The following CNGB1 variants were observed in gnomAD, a reference collection of about 807,000 sequenced individuals.
The protein encoded by CNGB1 is cyclic nucleotide-gated channel beta-1.
CNGB1 carries 126 observed loss-of-function variants against 151.7 expected under a neutral mutation model. The observed-to-expected ratio is 0.83, with a 90% CI of 0.72 to 0.96. The LOEUF is 0.96. CNGB1 is among the 40% of genes least tolerant of loss of function. The probability of loss-of-function intolerance (pLI) is 0.00; values close to 1 mark genes in which losing one functional copy is unlikely to be tolerated. For missense variants in CNGB1, 1,698 were observed against 1,627.0 expected (o/e 1.04, Z -0.75); for synonymous variants, 623 against 635.1 (o/e 0.98, Z 0.29).
chr16:57,955,065 G>T, intron 12 of CNGB1: 2 of 1,329,890 alleles, frequency 1.5e-6, no homozygotes, highest in Non-Finnish European at 9.7e-7. Flanking sequence ...CTTTTCCACA[G>T]CCCTCTGGGG....
chr16:57,957,763 T>G (rs1223229921), intron 11 of CNGB1, among the ~76,000 whole-genome samples: 1 of 152,204 alleles, frequency 6.6e-6, no homozygotes, highest in Non-Finnish European at 1.5e-5. Context: ...GCCCTGGGTA[T>G]GAGAATGCAG....
chr16:57,906,325 C>T (rs1487499565), intron 25 of CNGB1, among the ~76,000 whole-genome samples: 2 of 152,240 alleles, frequency 1.3e-5, no homozygotes, highest in Non-Finnish European at 2.9e-5. Context: ...ACGTGGTGGA[C>T]TCTCAGCAAG....
chr16:57,931,660 C>A, intron 17 of CNGB1, 56 bp downstream of exon 17: 1 of 1,596,444 alleles, frequency 6.3e-7, no homozygotes, highest in African/African-American at 1.3e-5. Context: ...CTTCATCTGC[C>A]AAATAAACAG....
intron 13 of CNGB1, 63 bp downstream of exon 13, chr16:57,950,318 A>G: frequency 3.2e-6 from 5 of 1,574,676 alleles, no homozygotes; most frequent in Non-Finnish European, 4.4e-6. Flanking sequence ...GAGATAAGGT[A>G]CTGCATGCTT....
At chr16:57,909,803 C>T (rs442619) in intron 25 of CNGB1, among the ~76,000 whole-genome samples, 88,149 of 152,048 alleles carry the variant, frequency 0.58, 26,214 homozygotes, top group African/African-American at 0.73. Context: ...TCCTTTTCAT[C>T]GAGGCAGTTA....
chr16:57,885,234 C>A (rs1424275988), intron 32 of CNGB1, among the ~76,000 whole-genome samples: 1 of 152,218 alleles, frequency 6.6e-6, no homozygotes, highest in Non-Finnish European at 1.5e-5. Flanking sequence ...CTCAGCTGCC[C>A]AAGACCCATG....
intron 14 of CNGB1, 69 bp from the exon 15 acceptor site, chr16:57,940,390 G>T: frequency 6.9e-7 from 1 of 1,448,358 alleles, no homozygotes. Flanking sequence ...CCCCAGCCCT[G>T]CTGAGGGCCA....
chr16:57,884,207 A>G lies in CNGB1; in HGVS notation c.3713T>C (p.Leu1238Pro). The G allele has an allele frequency of 1.2e-6, 2 of 1,614,026 alleles. No homozygotes were observed. The highest frequency in any genetic ancestry group is 1.7e-6 in the Non-Finnish European group (2 of 1,179,924). Residue 1238 changes from leucine (L) to proline (P), a missense_variant, in exon 33 of 33, where the codon CTG becomes CCG. Leu to Pro is a moderately conservative substitution (Grantham distance 98). Transcript: ENST00000251102. The part of the protein sequence containing the change: ...SPGPEPGEQI[L>P]SVKMPEEREE... The stretch of plus-strand genomic sequence containing the variant: ...CCTTTCCTCCGGCATCTTCACCGAC[A>G]GGATCTGCTCTCCCGGCTCCGGGCC...
rs1419125892 is a variant in CNGB1, at chr16:57,958,405, C to G, written c.837+5G>C. The stretch of plus-strand genomic sequence containing the variant: ...GGGCCACCACTCCATGAGCCCAGCA[C>G]TGACCTGTTCCCCTATTTTCCCATG... On this transcript the variant is annotated splice_donor_5th_base_variant and intron_variant, in intron 11 of 32. Transcript: ENST00000251102. 6.2e-7 allele frequency: 1 copy of G among 1,613,872 alleles called. No homozygotes were observed. The highest frequency in any genetic ancestry group is 8.5e-7 in the Non-Finnish European group (1 of 1,179,850).
intron 29 of CNGB1, 63 bp downstream of exon 29, chr16:57,901,289 G>A: frequency 1.3e-6 from 2 of 1,534,832 alleles, no homozygotes; most frequent in Non-Finnish European, 1.8e-6. Flanking sequence ...CTCCAGCTCA[G>A]TTCCTTGAAA....
At chr16:57,898,049 T>C (rs1341576223) in intron 29 of CNGB1, 135 bp from the exon 30 acceptor site, 1 of 855,890 alleles carries the variant, frequency 1.2e-6, no homozygotes, top group Non-Finnish European at 2.0e-6. Context: ...CACCACAACT[T>C]GGGGTGTCGT....
In CNGB1 at chr16:57,936,105, G is replaced by A. The variant is rs144299214; in HGVS notation, c.1372+3325C>T. Among the ~76,000 whole-genome samples the A allele has an allele frequency of 1.0e-3, 154 of 152,314 alleles. 1 individual carries two copies. The highest frequency in any genetic ancestry group is 3.4e-3 in the Middle Eastern group (1 of 294). On this transcript the variant is annotated intron_variant, in intron 16 of 32. Transcript: ENST00000251102. ...AAAGTGACAGGGGTTAGTCCAGGGT[G>A]CCAGTATGTTCCTGAGCTCTTTGTC...
At chr16:57,931,949 C>G in intron 16 of CNGB1, 71 bp from the exon 17 acceptor site, 1 of 1,548,862 alleles carries the variant, frequency 6.5e-7, no homozygotes, top group South Asian at 1.1e-5. Flanking sequence ...CAGCTGTGTT[C>G]TTGAAGAAAA....
chr16:57,931,514 G>C (rs1355002522), intron 17 of CNGB1, among the ~76,000 whole-genome samples: 1 of 152,126 alleles, frequency 6.6e-6, no homozygotes, highest in African/African-American at 2.4e-5. Flanking sequence ...ATTTGGGACA[G>C]GGCCTCCCAT....
intron 9 of CNGB1, 35 bp downstream of exon 9, chr16:57,960,447 C>T (rs1188701187): frequency 6.2e-7 from 1 of 1,609,474 alleles, no homozygotes; most frequent in Non-Finnish European, 8.5e-7. Context: ...CGTGACCATC[C>T]CAGGCAGCCC....
intron 16 of CNGB1, among the ~76,000 whole-genome samples, chr16:57,936,801 A>AAC (rs71268450): frequency 0.098 from 14,886 of 151,406 alleles, 1,258 homozygotes; most frequent in African/African-American, 0.23. Flanking sequence ...CAAACAAACA[A>AAC]AAAAAAAACA....
chr16:57,908,492 T>C (rs1037384270), intron 25 of CNGB1, among the ~76,000 whole-genome samples: 1 of 152,224 alleles, frequency 6.6e-6, no homozygotes, highest in East Asian at 1.9e-4. Context: ...TCTTCCACCT[T>C]CTCATCCTCA....
At chr16:57,963,745 G>A (rs542096085) in intron 4 of CNGB1, among the ~76,000 whole-genome samples, 5 of 152,288 alleles carry the variant, frequency 3.3e-5, no homozygotes, top group African/African-American at 4.8e-5. Context: ...GTACAGGGGC[G>A]CTCACTATGC....
At chr16:57,904,930 C>G in intron 25 of CNGB1, 55 bp from the exon 26 acceptor site, 1 of 1,611,438 alleles carries the variant, frequency 6.2e-7, no homozygotes, top group Admixed American at 1.7e-5. Context: ...CTCTGCCGCC[C>G]CGAGCAGTCT....
Sources: allele counts gnomAD v4.1 joint callset (sites outside exome capture counted in the v4.1 genomes callset), GRCh38; gene constraint gnomAD v4.1.1; transcripts MANE v1.5; gene names NCBI Gene and HGNC (gene_info 2026-07-23, HGNC 2026-07-21).